Variants in IL1R2 observed in about 807,000 individuals in gnomAD.
IL1R2 encodes interleukin-1 receptor type 2.
Under a neutral mutation model 39.5 loss-of-function variants are expected in IL1R2, and 46 were observed. That is an observed-to-expected ratio of 1.16 (90% CI 0.92 to 1.49). IL1R2 has a LOEUF of 1.49. IL1R2 is among the 40% of genes most tolerant of loss of function. The pLI, the probability that IL1R2 is intolerant of heterozygous loss-of-function variation, is 0.00. For synonymous variants in IL1R2, 207 were observed against 189.6 expected (o/e 1.09, Z -0.75); for missense variants, 537 against 502.0 (o/e 1.07, Z -0.67).
chr2:102,024,885 T>C, intron 7 of IL1R2: 1 of 528,746 alleles, frequency 1.9e-6, no homozygotes, highest in Non-Finnish European at 3.2e-6. Context: ...AGTTGACATG[T>C]TGGTATTGAT....
rs528350740 is a variant in IL1R2, at chr2:102,014,350, C to T, written c.333-1521C>T. 2.6e-5 allele frequency among the ~76,000 whole-genome samples: 4 copies of T among 152,332 alleles called. 1 individual carries two copies. The South Asian group carries it at 8.3e-4, about 32-fold the overall frequency. ...AGTGAAATAACGTGTGCAAAGTACA[C>T]AGCACAGGGTCTGGCCTGCATCTAC... On this transcript the variant is annotated intron_variant, in intron 3 of 8. Transcript: ENST00000332549.
intron 6 of IL1R2, among the ~76,000 whole-genome samples, chr2:102,022,795 G>T (rs541945303): frequency 6.6e-6 from 1 of 152,324 alleles, no homozygotes; most frequent in African/African-American, 2.4e-5. Context: ...ATCCTGGCCA[G>T]CACAGGTCCA....
chr2:102,006,902 C>A (rs986887753), intron 1 of IL1R2, among the ~76,000 whole-genome samples: 1 of 152,130 alleles, frequency 6.6e-6, no homozygotes, highest in East Asian at 1.9e-4. Flanking sequence ...TGCTTTTGGC[C>A]GCATCGTTTC....
At chr2:102,021,066 T>C (rs1009702153) in intron 5 of IL1R2, among the ~76,000 whole-genome samples, 1 of 152,090 alleles carries the variant, frequency 6.6e-6, no homozygotes, top group African/African-American at 2.4e-5. Flanking sequence ...CCCAGCTCCA[T>C]AGGGCAGCGC....
At chr2:102,013,524 C>CAAAAAAAAAAAAAAAAAAAAAA (rs771727938) in intron 3 of IL1R2, among the ~76,000 whole-genome samples, 6 of 5,692 alleles carry the variant, frequency 1.1e-3, no homozygotes, top group African/African-American at 1.3e-3. Flanking sequence ...TCTATCACTG[C>CAAAAAAAAAAAAAAAAAAAAAA]AAAAAAAAAA....
At chr2:102,021,008 G>A (rs1350475425) in intron 5 of IL1R2, among the ~76,000 whole-genome samples, 1 of 152,186 alleles carries the variant, frequency 6.6e-6, no homozygotes, top group Non-Finnish European at 1.5e-5. Flanking sequence ...GGACCCTCAA[G>A]TCTAAGAAGC....
chr2:102,000,020 C>G (rs926981228), intron 1 of IL1R2, among the ~76,000 whole-genome samples: 3 of 152,158 alleles, frequency 2.0e-5, no homozygotes, highest in Non-Finnish European at 4.4e-5. Context: ...AAGTTGCCAA[C>G]TACAATACCG....
chr2:101,999,328 C>T (rs894559585), intron 1 of IL1R2, among the ~76,000 whole-genome samples: 3 of 152,218 alleles, frequency 2.0e-5, no homozygotes, highest in Non-Finnish European at 4.4e-5. Flanking sequence ...TGTCTGTTAA[C>T]AACCAACCGC....
At chr2:102,007,863 G>A (rs1676362343) in intron 1 of IL1R2, among the ~76,000 whole-genome samples, 1 of 152,184 alleles carries the variant, frequency 6.6e-6, no homozygotes, top group Admixed American at 6.5e-5. Flanking sequence ...GGCTACCTGT[G>A]GAGAATTTTT....
At chr2:102,024,941 C>T (rs1333173630) in intron 7 of IL1R2, 9 of 370,840 alleles carry the variant, frequency 2.4e-5, no homozygotes, top group Admixed American at 4.3e-5. Context: ...CTTTTATTTT[C>T]GCAAGTTAAA....
intron 5 of IL1R2, 32 bp downstream of exon 5, chr2:102,019,844 C>A: frequency 1.3e-6 from 2 of 1,572,674 alleles, no homozygotes; most frequent in Non-Finnish European, 1.7e-6. Flanking sequence ...ACCTATCTAT[C>A]CTGGTTCAAT....
At chr2:102,017,247 A>G (rs1677061807) in intron 4 of IL1R2, among the ~76,000 whole-genome samples, 1 of 151,946 alleles carries the variant, frequency 6.6e-6, no homozygotes, top group South Asian at 2.1e-4. Flanking sequence ...AAAATAAAAA[A>G]TTAGCTGGGC....
At chr2:101,996,361 T>C (rs1053432042) in intron 1 of IL1R2, among the ~76,000 whole-genome samples, 1 of 152,106 alleles carries the variant, frequency 6.6e-6, no homozygotes, top group African/African-American at 2.4e-5. Flanking sequence ...TGGGGCTTTT[T>C]GGGTCTGGTC....
At chr2:102,025,975 C>T in intron 7 of IL1R2, 136 bp from the exon 8 acceptor site, 2 of 652,750 alleles carry the variant, frequency 3.1e-6, no homozygotes, top group South Asian at 4.1e-5. Flanking sequence ...GTGGCAAGAG[C>T]TCCTAACTTT....
intron 3 of IL1R2, among the ~76,000 whole-genome samples, chr2:102,013,554 G>GAAAAAAAA (rs1577711343): frequency 3.5e-4 from 11 of 31,672 alleles, no homozygotes; most frequent in Non-Finnish European, 4.7e-4. Flanking sequence ...AAAAAAAAAG[G>GAAAAAAAA]AAAGAAAGAA....
Position 102,016,412 on chromosome 2 carries a change from T to C in IL1R2, c.513+361T>C, listed in dbSNP as rs188277368. The stretch of plus-strand genomic sequence containing the variant: ...ATGGAGCTGAGAAATTTCTATTGCC[T>C]AGTGACATCATAGCTGTCTCAACAT... On this transcript the variant is annotated intron_variant, in intron 4 of 8. Transcript: ENST00000332549. 226 of 180,006 alleles carry C rather than the reference T, an allele frequency of 1.3e-3. 1 individual carries two copies. The highest frequency in any genetic ancestry group is 2.1e-3 in the Non-Finnish European group (178 of 84,658). The allele number at this position is 180,006 out of a possible 1,614,324, so 11.2% of individuals were successfully genotyped here.
intron 2 of IL1R2, 82 bp from the exon 3 acceptor site, chr2:102,009,480 G>C: frequency 6.9e-7 from 1 of 1,447,286 alleles, no homozygotes; most frequent in South Asian, 1.3e-5. Flanking sequence ...CCAGAATCAG[G>C]ATCAGTCCCA....
intron 4 of IL1R2, chr2:102,016,601 T>C (rs923290833): frequency 2.0e-5 from 3 of 153,112 alleles, no homozygotes; most frequent in Admixed American, 6.5e-5. Flanking sequence ...TGTAGGAGGC[T>C]CTACCATCTA....
intron 1 of IL1R2, among the ~76,000 whole-genome samples, chr2:102,007,142 G>A (rs140502845): frequency 3.3e-5 from 5 of 152,124 alleles, no homozygotes; most frequent in Admixed American, 2.0e-4. Context: ...AAGCAGCATC[G>A]TTGTGGCCGT....
Sources: gnomAD v4.1 joint callset for allele counts (sites outside exome capture counted in the v4.1 genomes callset) on GRCh38, gnomAD v4.1.1 for gene constraint, MANE v1.5 for transcripts, NCBI Gene and HGNC (gene_info 2026-07-23, HGNC 2026-07-21) for gene names.